Variants in CUL2 observed in about 807,000 individuals in gnomAD.
CUL2 encodes the protein cullin-2.
CUL2 carries 22 observed loss-of-function variants against 110.2 expected under a neutral mutation model. The ratio of observed to expected loss-of-function variants is 0.20; its 90% confidence interval spans 0.14 to 0.28. CUL2 has a LOEUF of 0.28. Ranked by LOEUF, CUL2 falls within the 10% of genes least tolerant of loss-of-function variation. The pLI, the probability that CUL2 is intolerant of heterozygous loss-of-function variation, is 1.00. For synonymous variants in CUL2, 279 were observed against 293.2 expected (o/e 0.95, Z 0.49); for missense variants, 631 against 905.5 (o/e 0.70, Z 3.89).
chr10:35,019,629 A>G (rs1486666479), intron 17 of CUL2, among the ~76,000 whole-genome samples: 1 of 152,246 alleles, frequency 6.6e-6, no homozygotes, highest in Non-Finnish European at 1.5e-5. Context: ...ATTCTGATAC[A>G]TGCATACTTA....
intron 1 of CUL2, chr10:35,073,977 T>C: frequency 2.9e-6 from 2 of 698,584 alleles, no homozygotes; most frequent in Non-Finnish European, 5.2e-6. Context: ...GTCACAAAGC[T>C]ATGTAATGGT....
intron 4 of CUL2, among the ~76,000 whole-genome samples, chr10:35,058,675 T>C (rs1203644140): frequency 3.3e-5 from 5 of 152,214 alleles, no homozygotes; most frequent in African/African-American, 4.8e-5. Flanking sequence ...GTTTATCTTA[T>C]ATAAAATGTA....
At chr10:35,022,944 C>T (rs1201382699) in intron 17 of CUL2, among the ~76,000 whole-genome samples, 1 of 152,124 alleles carries the variant, frequency 6.6e-6, no homozygotes, top group African/African-American at 2.4e-5. Flanking sequence ...ACTCAGAAGG[C>T]TGAGGCAGGA....
intron 17 of CUL2, among the ~76,000 whole-genome samples, chr10:35,019,966 G>A (rs1057117548): frequency 1.3e-5 from 2 of 151,910 alleles, no homozygotes; most frequent in African/African-American, 4.8e-5. Flanking sequence ...GATATCTGGT[G>A]GTTACCGCCT....
At chr10:35,018,017 G>A (rs1307559839) in intron 17 of CUL2, among the ~76,000 whole-genome samples, 2 of 151,662 alleles carry the variant, frequency 1.3e-5, no homozygotes, top group African/African-American at 4.8e-5. Context: ...TGGGCCAGGC[G>A]TGGTGGCTCA....
At chr10:35,055,602 C>T (rs1470835505) in intron 4 of CUL2, among the ~76,000 whole-genome samples, 1 of 152,122 alleles carries the variant, frequency 6.6e-6, no homozygotes, top group Non-Finnish European at 1.5e-5. Context: ...AAATTGACTC[C>T]AAAGTGGTAT....
intron 16 of CUL2, among the ~76,000 whole-genome samples, chr10:35,027,661 A>T (rs2085370514): frequency 6.6e-6 from 1 of 152,200 alleles, no homozygotes; most frequent in African/African-American, 2.4e-5. Flanking sequence ...GGCAGGATGG[A>T]TTAATTTACA....
chr10:35,057,198 G>GC (rs2086259437), intron 4 of CUL2, among the ~76,000 whole-genome samples: 1 of 152,126 alleles, frequency 6.6e-6, no homozygotes, highest in Non-Finnish European at 1.5e-5. Context: ...ATATTCTTGA[G>GC]CCAGGTATTG....
upstream of CUL2, among the ~76,000 whole-genome samples, chr10:35,091,320 C>G (rs1179987286): frequency 6.6e-6 from 1 of 152,170 alleles, no homozygotes; most frequent in Non-Finnish European, 1.5e-5. Flanking sequence ...CTGCACGAAC[C>G]CTTCAAGGCC....
intron 9 of CUL2, 114 bp downstream of exon 9, chr10:35,038,806 T>C (rs2085700683): frequency 3.3e-6 from 2 of 605,586 alleles, no homozygotes; most frequent in East Asian, 3.0e-5. Context: ...TAAAAGGTTA[T>C]TTAAAATATT....
chr10:35,079,616 TTC>T (rs1413793926), intron 1 of CUL2: 1 of 153,400 alleles, frequency 6.5e-6, no homozygotes, highest in Non-Finnish European at 1.5e-5. Flanking sequence ...TAGTAAGAAT[TTC>T]TTTCTTCACA....
At chr10:35,117,936 A>G (rs1426100736) in intron 1 of CUL2, among the ~76,000 whole-genome samples, 1 of 152,182 alleles carries the variant, frequency 6.6e-6, no homozygotes, top group Non-Finnish European at 1.5e-5. Context: ...ACGAGCAGAA[A>G]GTACACAGTT....
At chr10:35,058,391 C>A (rs1021221954) in intron 4 of CUL2, among the ~76,000 whole-genome samples, 5 of 152,146 alleles carry the variant, frequency 3.3e-5, no homozygotes, top group Non-Finnish European at 7.3e-5. Context: ...GACTAACCCG[C>A]CTCAAAAAGT....
chr10:35,027,930 A>G (rs2134701479), intron 16 of CUL2, among the ~76,000 whole-genome samples: 1 of 152,348 alleles, frequency 6.6e-6, no homozygotes, highest in African/African-American at 2.4e-5. Flanking sequence ...TATAAATAGA[A>G]AATAATTATT....
chr10:35,077,557 C>T (rs1433197993), intron 1 of CUL2, among the ~76,000 whole-genome samples: 12 of 151,828 alleles, frequency 7.9e-5, no homozygotes, highest in Admixed American at 7.9e-4. Context: ...GTGGCTCACA[C>T]CTGTAATCCC....
chr10:35,093,654 T>C (rs78208559), upstream of CUL2, among the ~76,000 whole-genome samples: 18,989 of 99,166 alleles, frequency 0.19, 1,659 homozygotes, highest in East Asian at 0.29. Context: ...AGGCAGACCT[T>C]CTCTCAAAAA....
chr10:35,080,077 C>T (rs934494689), intron 1 of CUL2, among the ~76,000 whole-genome samples: 18 of 152,022 alleles, frequency 1.2e-4, no homozygotes, highest in South Asian at 2.1e-4. Flanking sequence ...CCCCATTGAC[C>T]GTGGGTAACT....
At position 35,009,836 on chromosome 10, in the gene CUL2, T is replaced by G. The variant is rs2084854954; in HGVS notation, c.*475A>C. The G allele has an allele frequency of 6.6e-6, 1 of 152,498 alleles. No individual in the cohort carries two copies. The highest frequency in any genetic ancestry group is 2.4e-5 in the African/African-American group (1 of 41,422). 9.4% of individuals were successfully genotyped at this position (152,498 alleles called of 1,614,324 possible). A position where few individuals can be genotyped will look rare whatever the true frequency, so the allele number is the denominator to read the frequency against. ...ATATATTTTGTGGTCAACCTGATAC[T>G]CCATCCACATAAAAAAGGCATTCTA... On this transcript the variant is annotated 3_prime_UTR_variant, in exon 21 of 21. Coordinates refer to ENST00000374749, the MANE Select transcript of CUL2 (RefSeq NM_003591.4).
chr10:35,029,640 G>C lies in CUL2; in HGVS notation c.1387C>G (p.Gln463Glu), dbSNP rs2085432376. 1 of 1,577,164 alleles carries C rather than the reference G, an allele frequency of 6.3e-7. No homozygotes were observed. Among genetic ancestry groups the C allele is most frequent in the Admixed American group, 2.0e-5 (1 of 49,760 alleles). The change falls in exon 15 of 21, where the codon CAA becomes GAA. Residue 463 changes from glutamine to glutamate, a missense_variant and splice_region_variant. This residue lies in a region of CUL2 where 134 missense variants were observed against 260.4 expected (regional missense o/e 0.51). Coordinates refer to ENST00000374749, the MANE Select transcript of CUL2 (RefSeq NM_003591.4). Reference protein sequence around the residue: ...SEEAMINKLKQACGYEFTSKL... With the variant: ...SEEAMINKLKEACGYEFTSKL... ...CTGGTAAACTCATAACCACAGGCTT[G>C]CTATAAAAAAGTTTTAGAAAATACA... is the stretch of plus-strand genomic sequence containing the variant.
Sources: allele counts gnomAD v4.1 joint callset (sites outside exome capture counted in the v4.1 genomes callset), GRCh38; gene constraint gnomAD v4.1.1; regional missense constraint gnomAD v4.1.1; transcripts MANE v1.5; gene names NCBI Gene and HGNC (gene_info 2026-07-23, HGNC 2026-07-21).